The following DLG2 variants were observed in gnomAD, a reference collection of about 807,000 sequenced individuals.
DLG2 encodes the protein disks large homolog 2.
DLG2 carries 45 observed loss-of-function variants against 132.5 expected under a neutral mutation model. The observed-to-expected ratio is 0.34, with a 90% CI of 0.27 to 0.44. The LOEUF (loss-of-function observed/expected upper bound fraction) is 0.44. Among genes scored for constraint, DLG2 ranks in the 20% least tolerant of loss-of-function variants. DLG2 has a pLI of 1.00. For synonymous variants in DLG2, 424 were observed against 419.6 expected, an observed-to-expected ratio of 1.01 and a Z score of -0.13; for missense variants, 1,045 against 1,196.9, an observed-to-expected ratio of 0.87 and a Z score of 1.87.
At chr11:85,132,214 G>A (rs2075768957) in intron 5 of DLG2, among the ~76,000 whole-genome samples, 1 of 151,988 alleles carries the variant, frequency 6.6e-6, no homozygotes, top group Admixed American at 6.6e-5. Flanking sequence ...AATAGAATTA[G>A]CTAAATATTA....
intron 6 of DLG2, among the ~76,000 whole-genome samples, chr11:84,987,307 GAATC>G (rs1175668411): frequency 1.3e-5 from 2 of 152,056 alleles, no homozygotes; most frequent in African/African-American, 4.8e-5. Context: ...TGATTAGGTA[GAATC>G]AATATTGTGA....
chr11:85,047,454 T>C (rs1162578788), intron 6 of DLG2, among the ~76,000 whole-genome samples: 2 of 151,982 alleles, frequency 1.3e-5, no homozygotes, highest in African/African-American at 4.8e-5. Context: ...AATGATCAAT[T>C]TGACCTTTTC....
chr11:84,114,070 G>T (rs965372637), intron 9 of DLG2, among the ~76,000 whole-genome samples: 1 of 151,098 alleles, frequency 6.6e-6, no homozygotes, highest in Non-Finnish European at 1.5e-5. Context: ...ACTCTTTTTG[G>T]CTTAAAAAAA....
In DLG2 at chr11:84,231,171, C is replaced by T. The variant is rs139101632; in HGVS notation, c.573+20067G>A. Among the ~76,000 whole-genome samples, 43 of 152,194 alleles carry T rather than the reference C, an allele frequency of 2.8e-4. No individual in the cohort carries two copies. The East Asian group carries it at 6.6e-3, about 23-fold the overall frequency. On this transcript the variant is annotated intron_variant, in intron 8 of 27. Transcript: ENST00000376104. ...CCTTCTTATTGTCCCTTCTTACTTCCTGAAATGTAATATAATGGTTGGCGC... is the reference window on the plus strand; with the variant it reads ...CCTTCTTATTGTCCCTTCTTACTTCTTGAAATGTAATATAATGGTTGGCGC...
chr11:83,510,946 T>G (rs979264310), intron 21 of DLG2, among the ~76,000 whole-genome samples: 1 of 146,238 alleles, frequency 6.8e-6, no homozygotes, highest in Non-Finnish European at 1.5e-5. Context: ...TCCTCCAAGA[T>G]TTTAGAGATA....
chr11:83,743,053 A>C (rs958971816), intron 18 of DLG2, among the ~76,000 whole-genome samples: 14 of 152,334 alleles, frequency 9.2e-5, no homozygotes, highest in African/African-American at 3.4e-4. Context: ...TGGCTGCATT[A>C]ATAATGACTA....
intron 4 of DLG2, among the ~76,000 whole-genome samples, chr11:85,232,254 G>A (rs1222523797): frequency 1.3e-5 from 2 of 151,754 alleles, no homozygotes; most frequent in Non-Finnish European, 2.9e-5. Flanking sequence ...GTTGCCTATG[G>A]CATAAAAGTA....
intron 3 of DLG2, among the ~76,000 whole-genome samples, chr11:85,415,115 G>T (rs1047548138): frequency 2.0e-5 from 3 of 152,078 alleles, no homozygotes; most frequent in African/African-American, 4.8e-5. Context: ...GCAGTGTTTG[G>T]TTTTCTCTTC....
intron 6 of DLG2, among the ~76,000 whole-genome samples, chr11:85,069,493 G>A (rs1205932790): frequency 6.6e-6 from 1 of 152,018 alleles, no homozygotes; most frequent in Non-Finnish European, 1.5e-5. Context: ...GTGGGCGAAG[G>A]ATATGAACAG....
intron 6 of DLG2, among the ~76,000 whole-genome samples, chr11:84,981,775 A>G (rs1249338607): frequency 6.6e-6 from 1 of 152,024 alleles, no homozygotes; most frequent in East Asian, 1.9e-4. Flanking sequence ...TTCACAGCCA[A>G]AACTTTGAAA....
At chr11:84,294,613 A>G (rs1199535813) in intron 7 of DLG2, among the ~76,000 whole-genome samples, 2 of 152,190 alleles carry the variant, frequency 1.3e-5, no homozygotes, top group East Asian at 1.9e-4. Context: ...AAATAAATAA[A>G]TGAAAATGAA....
rs2374498 is a variant in DLG2 at position 84,209,101 on chromosome 11, C to T, written c.573+42137G>A. On this transcript the variant is annotated intron_variant, in intron 8 of 27. Coordinates refer to ENST00000376104, the MANE Select transcript of DLG2 (RefSeq NM_001142699.3). ...GAATCTGGAAACACTAGTTTAACCA[C>T]GTGATAAAGGTTAACGTCACCAGAA... 2.6e-4 allele frequency among the ~76,000 whole-genome samples: 39 copies of T among 152,236 alleles called. 1 individual carries two copies. Among genetic ancestry groups the T allele is most frequent in the East Asian group, 1.4e-3 (7 of 5,182 alleles).
chr11:85,548,033 AAGG>A, intron 3 of DLG2, among the ~76,000 whole-genome samples: 1 of 152,110 alleles, frequency 6.6e-6, no homozygotes, highest in Non-Finnish European at 1.5e-5. Context: ...CCTTGCTGGC[AAGG>A]AGTTGTGATC....
intron 4 of DLG2, among the ~76,000 whole-genome samples, chr11:85,156,653 C>T (rs1024940769): frequency 5.3e-5 from 8 of 152,156 alleles, no homozygotes; most frequent in South Asian, 2.1e-4. Flanking sequence ...TCTGATGAGA[C>T]CCACTGGAAT....
chr11:85,238,756 A>G (rs1228807150), intron 4 of DLG2, among the ~76,000 whole-genome samples: 1 of 152,106 alleles, frequency 6.6e-6, no homozygotes, highest in African/African-American at 2.4e-5. Flanking sequence ...ATAAGATAGA[A>G]AAAAGTATTT....
At chr11:84,711,384 G>A (rs1340332204) in intron 6 of DLG2, among the ~76,000 whole-genome samples, 2 of 46,358 alleles carry the variant, frequency 4.3e-5, no homozygotes, top group South Asian at 5.1e-4. Flanking sequence ...GAGAGAGATC[G>A]ATCGATCTAG....
chr11:84,499,493 A>G (rs1235655558), intron 7 of DLG2, among the ~76,000 whole-genome samples: 1 of 152,212 alleles, frequency 6.6e-6, no homozygotes, highest in Admixed American at 6.5e-5. Context: ...GCTCTGCATA[A>G]TCTACAGATT....
In DLG2 at chr11:85,064,109, T is replaced by G. The variant is rs189480340; in HGVS notation, c.357+47552A>C. 4.6e-3 allele frequency among the ~76,000 whole-genome samples: 705 copies of G among 151,986 alleles called. 3 individuals carry two copies. Among genetic ancestry groups the G allele is most frequent in the Non-Finnish European group, 8.1e-3 (548 of 67,860 alleles). On this transcript the variant is annotated intron_variant, in intron 6 of 27. Transcript: ENST00000376104. ...AATGTCTGTCATATAATTAATATGT[T>G]TGTTTGCATATATCCAAGAAGCAGG...
At chr11:83,991,300 G>A (rs2449600) in intron 11 of DLG2, among the ~76,000 whole-genome samples, 22,241 of 151,970 alleles carry the variant, frequency 0.15, 2,360 homozygotes, top group East Asian at 0.3. Flanking sequence ...ACTGCTCACA[G>A]GTCACCCAAT....
Sources: allele counts gnomAD v4.1 joint callset (sites outside exome capture counted in the v4.1 genomes callset), GRCh38; gene constraint gnomAD v4.1.1; transcripts MANE v1.5; gene names NCBI Gene and HGNC (gene_info 2026-07-23, HGNC 2026-07-21).